Variants in MYRIP observed in about 807,000 individuals in gnomAD.
The protein encoded by MYRIP is rab effector MyRIP.
A neutral mutation model predicts 98.0 loss-of-function variants in MYRIP; 49 were observed. The observed-to-expected ratio is 0.50, with a 90% confidence interval of 0.40 to 0.63. The LOEUF (loss-of-function observed/expected upper bound fraction) is 0.63, where lower values mean the gene tolerates loss of function less well. MYRIP is among the 30% of genes least tolerant of loss of function. MYRIP has a pLI of 0.00. For missense variants in MYRIP, 1,004 were observed against 1,058.2 expected (o/e 0.95, Z 0.71); for synonymous variants, 404 against 409.5 (o/e 0.99, Z 0.16).
chr3:39,933,911 AG>A (rs1944598662), intron 2 of MYRIP, among the ~76,000 whole-genome samples: 1 of 152,204 alleles, frequency 6.6e-6, no homozygotes, highest in Non-Finnish European at 1.5e-5. Flanking sequence ...TCTCAAAAGT[AG>A]GCTTCTTTTA....
intron 11 of MYRIP, among the ~76,000 whole-genome samples, chr3:40,215,278 CAT>C (rs1489641875): frequency 2.0e-5 from 3 of 152,078 alleles, no homozygotes; most frequent in Non-Finnish European, 4.4e-5. Flanking sequence ...CAAACTGACT[CAT>C]AGTTTCACTT....
At chr3:39,924,953 C>A (rs1283811946) in intron 2 of MYRIP, among the ~76,000 whole-genome samples, 6 of 151,656 alleles carry the variant, frequency 4.0e-5, no homozygotes, top group Non-Finnish European at 7.4e-5. Context: ...TGGGAAACTG[C>A]TAAAGTAGTA....
intron 16 of MYRIP, among the ~76,000 whole-genome samples, chr3:40,254,411 T>C (rs1350073409): frequency 6.8e-6 from 1 of 146,452 alleles, no homozygotes; most frequent in Admixed American, 7.0e-5. Flanking sequence ...ATGCAGGGAA[T>C]CTGCATTTTT....
intron 11 of MYRIP, among the ~76,000 whole-genome samples, chr3:40,220,238 C>G (rs9852388): frequency 0.052 from 7,836 of 151,936 alleles, 634 homozygotes; most frequent in African/African-American, 0.18. Flanking sequence ...GATATTAGCC[C>G]TTTGTCAGAC....
chr3:40,224,246 A>T (rs1361159746), intron 11 of MYRIP, among the ~76,000 whole-genome samples: 5 of 152,132 alleles, frequency 3.3e-5, no homozygotes, highest in Non-Finnish European at 7.3e-5. Flanking sequence ...TATGAAGATC[A>T]CCCTGGCTGC....
intron 13 of MYRIP, among the ~76,000 whole-genome samples, chr3:40,249,599 C>T (rs2125720890): frequency 6.6e-6 from 1 of 152,294 alleles, no homozygotes; most frequent in South Asian, 2.1e-4. Flanking sequence ...TCTCTCTGGG[C>T]ACTAAGTGGG....
chr3:39,956,902 C>T (rs1462571418), intron 2 of MYRIP, among the ~76,000 whole-genome samples: 1 of 151,594 alleles, frequency 6.6e-6, no homozygotes. Flanking sequence ...TATAAACACC[C>T]CTACACAAAT....
At chr3:39,814,192 C>T (rs1320144863) in intron 1 of MYRIP, among the ~76,000 whole-genome samples, 2 of 152,158 alleles carry the variant, frequency 1.3e-5, no homozygotes, top group African/African-American at 4.8e-5. Context: ...GTTATTTTAG[C>T]TCTCCTAGGT....
At chr3:40,244,231 T>C (rs147090040) in intron 12 of MYRIP, among the ~76,000 whole-genome samples, 9 of 152,342 alleles carry the variant, frequency 5.9e-5, no homozygotes, top group African/African-American at 2.2e-4. Context: ...ACAGGAAAGT[T>C]TGTGGGAGAG....
intron 12 of MYRIP, among the ~76,000 whole-genome samples, chr3:40,242,988 A>C (rs960858782): frequency 3.3e-5 from 5 of 152,246 alleles, no homozygotes; most frequent in Admixed American, 2.0e-4. Flanking sequence ...CTTGCTTTAA[A>C]AACAAAAATA....
chr3:39,894,124 A>T (rs938017384), intron 1 of MYRIP, among the ~76,000 whole-genome samples: 1 of 152,238 alleles, frequency 6.6e-6, no homozygotes, highest in African/African-American at 2.4e-5. Context: ...CTATCTATTT[A>T]TACAAGATTG....
At chr3:39,921,783 G>A (rs866864022) in intron 2 of MYRIP, among the ~76,000 whole-genome samples, 4 of 150,784 alleles carry the variant, frequency 2.7e-5, no homozygotes, top group Admixed American at 6.6e-5. Flanking sequence ...TCAGGAGGCT[G>A]AGACAGGAGA....
chr3:39,910,994 A>G (rs2125680433), intron 2 of MYRIP, among the ~76,000 whole-genome samples: 1 of 152,328 alleles, frequency 6.6e-6, no homozygotes, highest in South Asian at 2.1e-4. Context: ...TCTCTGAGTC[A>G]TGCCTCAGTG....
intron 3 of MYRIP, among the ~76,000 whole-genome samples, chr3:40,143,622 C>A (rs1949953919): frequency 6.6e-6 from 1 of 152,182 alleles, no homozygotes; most frequent in Non-Finnish European, 1.5e-5. Flanking sequence ...CACATTACTA[C>A]TTTTTCCTGG....
intron 3 of MYRIP, among the ~76,000 whole-genome samples, chr3:40,086,629 A>T (rs1948633114): frequency 6.6e-6 from 1 of 152,188 alleles, no homozygotes; most frequent in Non-Finnish European, 1.5e-5. Flanking sequence ...TTGCAGAAAG[A>T]ATACCAACCC....
intron 1 of MYRIP, among the ~76,000 whole-genome samples, chr3:39,816,304 G>A (rs1385554095): frequency 6.6e-6 from 1 of 152,060 alleles, no homozygotes; most frequent in African/African-American, 2.4e-5. Flanking sequence ...GGATGGTCTC[G>A]ATCTCCTGAC....
chr3:39,912,708 C>G (rs1343417321), intron 2 of MYRIP, among the ~76,000 whole-genome samples: 3 of 152,128 alleles, frequency 2.0e-5, no homozygotes, highest in Non-Finnish European at 2.9e-5. Context: ...TCTGGTAGTG[C>G]CAAACCCCCA....
intron 2 of MYRIP, among the ~76,000 whole-genome samples, chr3:39,930,591 A>G (rs9815341): frequency 0.37 from 56,019 of 151,462 alleles, 10,618 homozygotes; most frequent in East Asian, 0.45. Context: ...TTTCTAAGAA[A>G]CCATTGCCTA....
chr3:40,260,321 A>C lies in MYRIP; in HGVS notation c.*2155A>C, dbSNP rs1009734749. The C allele has an allele frequency of 1.3e-5, 2 of 152,232 alleles. No homozygotes were observed. Among genetic ancestry groups the C allele is most frequent in the African/African-American group, 4.8e-5 (2 of 41,454 alleles). 9.4% of individuals were successfully genotyped at this position (152,232 alleles called of 1,614,324 possible). ...AAGTAAAAGTCATTTATGAAAATAA[A>C]GATTGTGTGTGTGCAATTTTTTGGT... On this transcript the variant is annotated 3_prime_UTR_variant, in exon 17 of 17. Transcript: ENST00000302541.
Sources: allele counts gnomAD v4.1 joint callset (sites outside exome capture counted in the v4.1 genomes callset), GRCh38; gene constraint gnomAD v4.1.1; transcripts MANE v1.5; gene names NCBI Gene and HGNC (gene_info 2026-07-23, HGNC 2026-07-21).